IER3IP1: variants seen among roughly 807,000 people sequenced by gnomAD.
IER3IP1 encodes the protein immediate early response 3-interacting protein 1.
Under a neutral mutation model 12.2 loss-of-function variants are expected in IER3IP1, and 16 were observed. The ratio of observed to expected loss-of-function variants is 1.31; its 90% CI spans 0.89 to 1.99. The LOEUF is 1.99. IER3IP1 is among the 30% of genes most tolerant of loss of function. The pLI is 0.00. For synonymous variants in IER3IP1, 42 were observed against 40.0 expected (o/e 1.05, Z -0.19); for missense variants, 95 against 95.8 (o/e 0.99, Z 0.03).
In IER3IP1 at chr18:47,154,524, A is replaced by G. The variant is rs2063951533; in HGVS notation, c.*1653T>C. On this transcript the variant is annotated 3_prime_UTR_variant, in exon 3 of 3. Transcript: ENST00000256433. ...CAGATCAAGGTCTCTCTTTTCTTTC[A>G]TTTTAAAAAATTTTGTACTGCTCAT... The G allele has an allele frequency of 6.6e-6, 1 of 152,226 alleles. No homozygotes were observed. Among genetic ancestry groups the G allele is most frequent in the African/African-American group, 2.4e-5 (1 of 41,470 alleles). 9.4% of individuals were successfully genotyped at this position (152,226 alleles called of 1,614,324 possible).
chr18:47,158,035 A>G (rs2063967126), intron 1 of IER3IP1, among the ~76,000 whole-genome samples: 1 of 152,226 alleles, frequency 6.6e-6, no homozygotes, highest in Non-Finnish European at 1.5e-5. Flanking sequence ...GTGGGAGTCA[A>G]TCATAATACC....
intron 1 of IER3IP1, among the ~76,000 whole-genome samples, chr18:47,158,526 C>T (rs1848369429): frequency 6.6e-6 from 1 of 151,656 alleles, no homozygotes; most frequent in Non-Finnish European, 1.5e-5. Context: ...ATTTTTAGTA[C>T]AGATGGGGTT....
In IER3IP1 at chr18:47,176,344, C is replaced by G; in HGVS notation, c.-67G>C. 7 of 1,402,252 alleles carry G rather than the reference C, an allele frequency of 5.0e-6. No individual in the cohort carries two copies. Among genetic ancestry groups the G allele is most frequent in the East Asian group, 4.9e-5 (2 of 40,568 alleles). The allele number at this position is 1,402,252 out of a possible 1,614,324, so 86.9% of individuals were successfully genotyped here. On this transcript the variant is annotated 5_prime_UTR_variant, in exon 1 of 3. Transcript: ENST00000256433. ...CGCCGCCGCAAGGGACGTGGCGCCTCCACGGCCGGCGCCTTCCTACGGAAG... is the reference window on the plus strand; with the variant it reads ...CGCCGCCGCAAGGGACGTGGCGCCTGCACGGCCGGCGCCTTCCTACGGAAG...
At chr18:47,164,793 AG>A (rs1568072639) in intron 1 of IER3IP1, among the ~76,000 whole-genome samples, 2 of 148,824 alleles carry the variant, frequency 1.3e-5, no homozygotes, top group African/African-American at 5.0e-5. Flanking sequence ...AAAAAAAACA[AG>A]AGAGAGAGAG....
In IER3IP1 at chr18:47,165,188, AC is replaced by A. The variant is rs370060197; in HGVS notation, c.92-7652del. ...TACATGTGATCAAATGCTATCATAAACATGAAAGTGCCTAATAAACTACACA... is the reference window on the plus strand; with the variant it reads ...TACATGTGATCAAATGCTATCATAAAATGAAAGTGCCTAATAAACTACACA... On this transcript the variant is annotated intron_variant, in intron 1 of 2. Coordinates refer to ENST00000256433, the MANE Select transcript of IER3IP1 (RefSeq NM_016097.5). Among the ~76,000 whole-genome samples the A allele has an allele frequency of 5.0e-3, 766 of 152,328 alleles. 5 individuals are homozygous for A. Among genetic ancestry groups the A allele is most frequent in the South Asian group, 0.02 (95 of 4,826 alleles).
Position 47,159,364 on chromosome 18 carries a change from A to G in IER3IP1, c.92-1827T>C, listed in dbSNP as rs565531425. On this transcript the variant is annotated intron_variant, in intron 1 of 2. Transcript: ENST00000256433. ...TTTTCACTAATGCAGACAGATATAA[A>G]GAACCTTTCTTTATTTACTGAGGAA... 1.9e-4 allele frequency among the ~76,000 whole-genome samples: 29 copies of G among 152,358 alleles called. 1 individual carries two copies. The highest frequency in any genetic ancestry group is 8.5e-4 in the Admixed American group (13 of 15,308).
chr18:47,156,712 T>C (rs745399529), intron 2 of IER3IP1, among the ~76,000 whole-genome samples: 5 of 152,116 alleles, frequency 3.3e-5, no homozygotes, highest in African/African-American at 4.8e-5. Flanking sequence ...TTTGAACTCT[T>C]TTTTTCTTGA....
chr18:47,172,021 AT>A lies in IER3IP1; in HGVS notation c.91+4165del, dbSNP rs2144438744. 6.6e-6 allele frequency among the ~76,000 whole-genome samples: 1 copy of A among 152,162 alleles called. No homozygotes were observed. The highest frequency in any genetic ancestry group is 2.1e-4 in the South Asian group (1 of 4,812). Reference sequence around the variant, plus strand: ...GGTCTCGAACTCCTGACCTCAAGTGATCCGCCCACCTTGGCCTCCCAAAGTG... The same window carrying A: ...GGTCTCGAACTCCTGACCTCAAGTGACCGCCCACCTTGGCCTCCCAAAGTG... On this transcript the variant is annotated intron_variant, in intron 1 of 2. Coordinates refer to ENST00000256433, the MANE Select transcript of IER3IP1 (RefSeq NM_016097.5). This position sits in a 1 kb window ranked among gnomAD's most constrained non-coding sequence, Gnocchi z 4.0.
intron 1 of IER3IP1, among the ~76,000 whole-genome samples, chr18:47,170,416 C>T (rs1444148334): frequency 6.6e-6 from 1 of 152,074 alleles, no homozygotes; most frequent in Non-Finnish European, 1.5e-5. Context: ...AGGATCAACT[C>T]ATCAGTTTCT....
chr18:47,165,046 A>G (rs912375588), intron 1 of IER3IP1, among the ~76,000 whole-genome samples: 1 of 152,220 alleles, frequency 6.6e-6, no homozygotes, highest in African/African-American at 2.4e-5. Context: ...TTTTGAAGAA[A>G]AAGTACTAGT....
At chr18:47,175,316 G>A (rs1380288657) in intron 1 of IER3IP1, among the ~76,000 whole-genome samples, 6 of 152,186 alleles carry the variant, frequency 3.9e-5, no homozygotes, top group African/African-American at 1.4e-4. Flanking sequence ...TGGAACATGA[G>A]TGTCTGAATG....
chr18:47,165,639 G>A (rs1180473051), intron 1 of IER3IP1, among the ~76,000 whole-genome samples: 1 of 151,474 alleles, frequency 6.6e-6, no homozygotes, highest in East Asian at 1.9e-4. Context: ...TTTAATCCCT[G>A]ATAAAATTCA....
intron 1 of IER3IP1, among the ~76,000 whole-genome samples, chr18:47,169,585 T>C (rs894092335): frequency 6.6e-6 from 1 of 151,718 alleles, no homozygotes; most frequent in Non-Finnish European, 1.5e-5. Context: ...TTATTTAGTG[T>C]TTTTAACTTT....
intron 1 of IER3IP1, among the ~76,000 whole-genome samples, chr18:47,166,441 G>A (rs1265038258): frequency 1.3e-5 from 2 of 152,130 alleles, no homozygotes; most frequent in South Asian, 2.1e-4. Context: ...AGGCTGAGGA[G>A]TTAACCACTT....
chr18:47,175,927 CGCAA>C (rs1364657343), intron 1 of IER3IP1, among the ~76,000 whole-genome samples: 2 of 152,060 alleles, frequency 1.3e-5, no homozygotes, highest in Non-Finnish European at 2.9e-5. Flanking sequence ...CTGAAGTAAT[CGCAA>C]GCAGAGGCGT....
intron 1 of IER3IP1, among the ~76,000 whole-genome samples, chr18:47,161,763 A>G (rs2063980603): frequency 6.6e-6 from 1 of 151,972 alleles, no homozygotes; most frequent in South Asian, 2.1e-4. Flanking sequence ...TGTGTACTTT[A>G]TTTCTATTAT....
Position 47,168,140 on chromosome 18 carries a change from AAAAAAAAAAAAAAAAT to A in IER3IP1, c.91+8031_91+8046del, listed in dbSNP as rs1409054049. 7.7e-5 allele frequency among the ~76,000 whole-genome samples: 11 copies of A among 141,990 alleles called. No homozygotes were observed. In the East Asian group the frequency reaches 8.1e-4, roughly 10 times the overall value. 93.2% of individuals were successfully genotyped at this position (141,990 alleles called of 152,430 possible). On this transcript the variant is annotated intron_variant, in intron 1 of 2. Transcript: ENST00000256433. Reference sequence around the variant, plus strand: ...GACTCCGTCTCAAAAAAAAAAAAAAAAAAAAAAAAAAAAAATTTTAGCTAGGTGGTGGTGGGTTCCT... The same window carrying A: ...GACTCCGTCTCAAAAAAAAAAAAAAATTTAGCTAGGTGGTGGTGGGTTCCT...
chr18:47,165,339 G>A (rs1050378583), intron 1 of IER3IP1, among the ~76,000 whole-genome samples: 3 of 152,136 alleles, frequency 2.0e-5, no homozygotes, highest in East Asian at 3.9e-4. Context: ...GATCACTTGA[G>A]GCCAGAAGTT....
intron 1 of IER3IP1, among the ~76,000 whole-genome samples, chr18:47,168,133 A>G (rs2064002269): frequency 7.6e-6 from 1 of 131,584 alleles, no homozygotes; most frequent in Non-Finnish European, 1.6e-5. Context: ...CTCAAAAAAA[A>G]AAAAAAAAAA....
Sources: gnomAD v4.1 joint callset for allele counts (sites outside exome capture counted in the v4.1 genomes callset) on GRCh38, gnomAD v4.1.1 for gene constraint, Gnocchi (gnomAD v3.1) non-coding constraint, MANE v1.5 for transcripts, NCBI Gene and HGNC (gene_info 2026-07-23, HGNC 2026-07-21) for gene names.